STMN2: variants seen among roughly 807,000 people sequenced by gnomAD.
STMN2 encodes the protein stathmin 2.
Under a neutral mutation model 24.1 loss-of-function variants are expected in STMN2, and 2 were observed. That is an observed-to-expected ratio of 0.08 (90% confidence interval 0.03 to 0.26). The LOEUF (loss-of-function observed/expected upper bound fraction) is 0.26. STMN2 is among the 10% of genes least tolerant of loss of function. STMN2 has a pLI of 1.00. For missense variants in STMN2, 114 were observed against 213.6 expected, an observed-to-expected ratio of 0.53 and a Z score of 2.91; for synonymous variants, 83 against 77.5, an observed-to-expected ratio of 1.07 and a Z score of -0.37.
intron 1 of STMN2, among the ~76,000 whole-genome samples, chr8:79,630,238 G>A (rs763637428): frequency 6.6e-6 from 1 of 152,106 alleles, no homozygotes; most frequent in Non-Finnish European, 1.5e-5. Context: ...AAGTCAACTG[G>A]CCCATGAACT....
chr8:79,620,212 T>C (rs1443152204), intron 1 of STMN2, among the ~76,000 whole-genome samples: 4 of 148,036 alleles, frequency 2.7e-5, no homozygotes, highest in South Asian at 2.1e-4. Context: ...TATAATAAAG[T>C]TGTGTATATT....
intron 2 of STMN2, 27 bp downstream of exon 2, chr8:79,636,924 C>G (rs1809976930): frequency 6.3e-7 from 1 of 1,591,672 alleles, no homozygotes; most frequent in African/African-American, 1.3e-5. Flanking sequence ...AGACATACCC[C>G]TGCTAGCTAG....
Position 79,641,384 on chromosome 8 carries a change from A to T in STMN2, c.122A>T (p.Glu41Val). Residue 41 changes from glutamate (E) to valine (V), a missense_variant, in exon 3 of 5, where the codon GAA (glutamate) becomes GTA (valine). Glu to Val is a moderately radical substitution (Grantham distance 121). Coordinates refer to ENST00000220876, the MANE Select transcript of STMN2 (RefSeq NM_007029.4). ...NINIYTYDDM[E>V]VKQINKRASG... ...TCAAATGTTCACTTTTCAGATATGGAAGTGAAGCAAATCAACAAACGTGCC... is the reference window on the plus strand; with the variant it reads ...TCAAATGTTCACTTTTCAGATATGGTAGTGAAGCAAATCAACAAACGTGCC... 1 of 1,613,478 alleles carries T rather than the reference A, an allele frequency of 6.2e-7. No homozygotes were observed.
chr8:79,657,777 C>G (rs192688816), intron 4 of STMN2, among the ~76,000 whole-genome samples: 1 of 152,290 alleles, frequency 6.6e-6, no homozygotes, highest in African/African-American at 2.4e-5. Flanking sequence ...GGATTTAATA[C>G]AAAATTGTGG....
chr8:79,653,648 T>A (rs1296367801), intron 3 of STMN2, among the ~76,000 whole-genome samples: 1 of 152,222 alleles, frequency 6.6e-6, no homozygotes, highest in Non-Finnish European at 1.5e-5. Context: ...CCACAACCAC[T>A]ACCATCAACT....
At chr8:79,620,182 CAT>C (rs749725688) in intron 1 of STMN2, among the ~76,000 whole-genome samples, 8 of 147,752 alleles carry the variant, frequency 5.4e-5, no homozygotes, top group Non-Finnish European at 1.0e-4. Context: ...TATATTATAA[CAT>C]ATAATATATA....
chr8:79,636,849 T>C lies in STMN2; in HGVS notation c.67T>C (p.Ser23Pro). ...KELSMLSLICSCFYPEPRNIN... is the reference protein window; with the variant it reads ...KELSMLSLICPCFYPEPRNIN... ...GCTGTCCATGCTGTCACTGATCTGC[T>C]CTTGCTTTTACCCGGAACCTCGCAA... Residue 23 changes from serine to proline, a missense_variant, in exon 2 of 5, where the codon TCT (serine) becomes CCT (proline). Transcript: ENST00000220876. 1 of 1,613,892 alleles carries C rather than the reference T, an allele frequency of 6.2e-7. No individual in the cohort carries two copies. The highest frequency in any genetic ancestry group is 8.5e-7 in the Non-Finnish European group (1 of 1,179,816).
At chr8:79,664,057 G>A (rs1223021133) in intron 4 of STMN2, among the ~76,000 whole-genome samples, 2 of 152,188 alleles carry the variant, frequency 1.3e-5, no homozygotes, top group Non-Finnish European at 2.9e-5. Context: ...CAAGAACAGA[G>A]AGGCTCATAA....
intron 1 of STMN2, among the ~76,000 whole-genome samples, chr8:79,622,858 CGCAT>C (rs1809549449): frequency 6.6e-6 from 1 of 152,122 alleles, no homozygotes; most frequent in East Asian, 1.9e-4. Flanking sequence ...CGTACACGCA[CGCAT>C]GCATACACAC....
At chr8:79,623,708 A>G (rs1448426326) in intron 1 of STMN2, among the ~76,000 whole-genome samples, 3 of 152,228 alleles carry the variant, frequency 2.0e-5, no homozygotes, top group Non-Finnish European at 4.4e-5. Context: ...GGAGCTTTAT[A>G]TGAAAGCACC....
chr8:79,614,628 A>G (rs1563431496), intron 1 of STMN2, among the ~76,000 whole-genome samples: 1 of 152,244 alleles, frequency 6.6e-6, no homozygotes, highest in Non-Finnish European at 1.5e-5. Flanking sequence ...TCTGAGAGAA[A>G]GTATATTTTA....
chr8:79,658,890 T>G (rs1286868735), intron 4 of STMN2, among the ~76,000 whole-genome samples: 3 of 152,232 alleles, frequency 2.0e-5, no homozygotes, highest in Admixed American at 6.5e-5. Context: ...CTTCGGAATC[T>G]ACTGGACAGC....
chr8:79,638,883 C>T (rs1184056092), intron 2 of STMN2, among the ~76,000 whole-genome samples: 1 of 152,060 alleles, frequency 6.6e-6, no homozygotes, highest in Admixed American at 6.6e-5. Flanking sequence ...TTTTTATTTG[C>T]CCGTGTTCTC....
At chr8:79,657,238 T>C (rs1752593422) in intron 4 of STMN2, among the ~76,000 whole-genome samples, 1 of 152,232 alleles carries the variant, frequency 6.6e-6, no homozygotes, top group Non-Finnish European at 1.5e-5. Context: ...TTATCTAATA[T>C]TTCCAGAAGT....
Position 79,611,134 on chromosome 8 carries a change from T to G in STMN2, c.-62T>G. 1 of 1,612,108 alleles carries G rather than the reference T, an allele frequency of 6.2e-7. No individual in the cohort carries two copies. The highest frequency in any genetic ancestry group is 2.2e-5 in the East Asian group (1 of 44,870). ...CCTTATTCAGTCTTCTCTCTCGCTC[T>G]CTCCGCTGCTGTAGCCGGACCCTTT... On this transcript the variant is annotated 5_prime_UTR_variant, in exon 1 of 5. Transcript: ENST00000220876.
At chr8:79,629,648 A>G (rs974607060) in intron 1 of STMN2, among the ~76,000 whole-genome samples, 1 of 152,208 alleles carries the variant, frequency 6.6e-6, no homozygotes, top group African/African-American at 2.4e-5. Flanking sequence ...TGGCTCCTAC[A>G]TGCAGTTTTT....
intron 1 of STMN2, chr8:79,613,455 C>G: frequency 1.0e-6 from 1 of 985,496 alleles, no homozygotes; most frequent in Non-Finnish European, 1.2e-6. Flanking sequence ...GAGCTACCCC[C>G]GCTTTCCACA....
chr8:79,626,000 T>C (rs1187358090), intron 1 of STMN2, among the ~76,000 whole-genome samples: 1 of 142,756 alleles, frequency 7.0e-6, no homozygotes, highest in African/African-American at 2.8e-5. Flanking sequence ...TAAAGATCAA[T>C]TTGGAGAAAT....
intron 4 of STMN2, among the ~76,000 whole-genome samples, chr8:79,662,631 C>T (rs1050684633): frequency 6.6e-6 from 1 of 152,004 alleles, no homozygotes; most frequent in East Asian, 1.9e-4. Flanking sequence ...AACTCATAAT[C>T]ATTTATTTTC....
Sources: allele counts gnomAD v4.1 joint callset (sites outside exome capture counted in the v4.1 genomes callset), GRCh38; gene constraint gnomAD v4.1.1; transcripts MANE v1.5; gene names NCBI Gene and HGNC (gene_info 2026-07-23, HGNC 2026-07-21).